ADAMTS5: variants seen among roughly 807,000 people sequenced by gnomAD.
The protein encoded by ADAMTS5 is ADAM metallopeptidase with thrombospondin type 1 motif 5.
ADAMTS5 carries 54 observed loss-of-function variants against 81.4 expected under a neutral mutation model. That is an observed-to-expected ratio of 0.66 (90% confidence interval 0.53 to 0.83). ADAMTS5 has a LOEUF of 0.83. ADAMTS5 is among the 40% of genes least tolerant of loss of function. ADAMTS5 has a pLI of 0.00. For missense variants in ADAMTS5, 1,194 were observed against 1,229.9 expected, an observed-to-expected ratio of 0.97 and a Z score of 0.44; for synonymous variants, 532 against 508.8, an observed-to-expected ratio of 1.05 and a Z score of -0.61.
chr21:26,930,281 C>T (rs946198655), intron 6 of ADAMTS5, among the ~76,000 whole-genome samples: 1 of 152,038 alleles, frequency 6.6e-6, no homozygotes, highest in Non-Finnish European at 1.5e-5. Context: ...CTAGGTTACA[C>T]ATTTTCTCTC....
intron 4 of ADAMTS5, among the ~76,000 whole-genome samples, chr21:26,933,254 C>T (rs1429807676): frequency 3.3e-5 from 5 of 152,152 alleles, no homozygotes; most frequent in Non-Finnish European, 7.4e-5. Context: ...AACTCCAGCA[C>T]TAGAAGATCT....
At chr21:26,961,484 G>A (rs1399186644) in intron 1 of ADAMTS5, among the ~76,000 whole-genome samples, 1 of 152,194 alleles carries the variant, frequency 6.6e-6, no homozygotes, top group African/African-American at 2.4e-5. Context: ...TAACAGTAGT[G>A]TGATTTCCAC....
At chr21:26,933,328 A>G (rs162499) in intron 4 of ADAMTS5, among the ~76,000 whole-genome samples, 46,428 of 152,058 alleles carry the variant, frequency 0.31, 7,722 homozygotes, top group South Asian at 0.41. Flanking sequence ...TCTACGGACC[A>G]TTGTAAATTA....
At position 26,932,910 on chromosome 21, in the gene ADAMTS5, C is replaced by T; in HGVS notation, c.1824G>A (p.Gly608=). The change falls in exon 5 of 8, where the codon GGG becomes GGA. Residue 608 remains glycine, a synonymous_variant. Transcript: ENST00000284987. ...APRNNGRYCT[G]KRAIYRSCSL... The stretch of plus-strand genomic sequence containing the variant: ...TGCAGGAGCGGTAGATGGCCCTCTT[C>T]CCTGTGCAGTAGCGTCCGTTGTTTC... 1 of 1,613,894 alleles carries T rather than the reference C, an allele frequency of 6.2e-7. No homozygotes were observed. Among genetic ancestry groups the T allele is most frequent in the Non-Finnish European group, 8.5e-7 (1 of 1,179,940 alleles).
chr21:26,949,757 A>G (rs1036528124), intron 2 of ADAMTS5, among the ~76,000 whole-genome samples: 8 of 152,340 alleles, frequency 5.3e-5, no homozygotes, highest in African/African-American at 1.9e-4. Context: ...TTGGGGGCCA[A>G]GAAAGACATA....
intron 6 of ADAMTS5, among the ~76,000 whole-genome samples, chr21:26,930,709 G>A (rs556647120): frequency 6.6e-6 from 1 of 152,248 alleles, no homozygotes; most frequent in South Asian, 2.1e-4. Flanking sequence ...TATATAGATT[G>A]TGGCTTGTGC....
At chr21:26,948,287 T>C (rs1987253414) in intron 2 of ADAMTS5, among the ~76,000 whole-genome samples, 1 of 152,202 alleles carries the variant, frequency 6.6e-6, no homozygotes, top group South Asian at 2.1e-4. Flanking sequence ...TTCTAAACTT[T>C]GGTCTGCAAA....
intron 2 of ADAMTS5, among the ~76,000 whole-genome samples, chr21:26,946,721 C>T (rs1170293884): frequency 6.6e-6 from 1 of 151,950 alleles, no homozygotes; most frequent in African/African-American, 2.4e-5. Flanking sequence ...TGTACAATGC[C>T]AAAAGTAATT....
chr21:26,925,061 C>T (rs1019467142), intron 7 of ADAMTS5, among the ~76,000 whole-genome samples: 16 of 152,154 alleles, frequency 1.1e-4, no homozygotes, highest in Non-Finnish European at 2.9e-5. Flanking sequence ...CAGATTGCTT[C>T]CACATTAGAA....
At position 26,966,514 on chromosome 21, in the gene ADAMTS5, T is replaced by A; in HGVS notation, c.-123A>T. The A allele has an allele frequency of 1.0e-6, 1 of 952,832 alleles. No homozygotes were observed. Among genetic ancestry groups the A allele is most frequent in the Non-Finnish European group, 1.4e-6 (1 of 722,322 alleles). 59.0% of individuals were successfully genotyped at this position (952,832 alleles called of 1,614,324 possible). ...CACTTGCTTGCAGGATTGAGTCAAG[T>A]GTCGGAGGGAGGGGGGCCCGGCAGC... On this transcript the variant is annotated 5_prime_UTR_variant, in exon 1 of 8. Transcript: ENST00000284987.
Position 26,924,608 on chromosome 21 carries a change from A to G in ADAMTS5, c.2238T>C (p.Thr746=), listed in dbSNP as rs925741983. 1.2e-6 allele frequency: 2 copies of G among 1,610,488 alleles called. No homozygotes were observed. The highest frequency in any genetic ancestry group is 2.7e-5 in the African/African-American group (2 of 74,838). The change falls in exon 8 of 8, where the codon ACT becomes ACC. Residue 746 remains threonine (T), a synonymous_variant. Transcript: ENST00000284987. ...CCCCTTCAGGAATCCTCACCACGTC[A>G]GTGTAACCCTTACTGGAAGTAGGAA... ...GTFNKKSKGY[T]DVVRIPEGAT...
chr21:26,928,473 A>G (rs2123168195), intron 7 of ADAMTS5, among the ~76,000 whole-genome samples: 1 of 152,336 alleles, frequency 6.6e-6, no homozygotes, highest in South Asian at 2.1e-4. Context: ...TTAAAATGCT[A>G]AATTTAGCAA....
chr21:26,965,499 G>A lies in ADAMTS5; in HGVS notation c.893C>T (p.Ala298Val), dbSNP rs955363633. ...QHYLLTLASI[A>V]NRLYSHASIE... ...GCTAGCATGGCTGTACAGCCTATTG[G>A]CGATGGAGGCCAGGGTCAGCAGGTA... The change falls in exon 1 of 8, where the codon GCC becomes GTC. Residue 298 changes from alanine (A) to valine (V), a missense_variant. Ala to Val is a moderately conservative substitution (Grantham distance 64, BLOSUM62 0). Around this residue, in one of 2 missense-constraint regions of ADAMTS5, gnomAD observed 696 missense variants for 817.6 expected, o/e 0.85. Coordinates refer to ENST00000284987, the MANE Select transcript of ADAMTS5 (RefSeq NM_007038.5). 4 of 1,614,114 alleles carry A rather than the reference G, an allele frequency of 2.5e-6. No homozygotes were observed. The highest frequency in any genetic ancestry group is 3.4e-6 in the Non-Finnish European group (4 of 1,180,040).
intron 1 of ADAMTS5, 77 bp from the exon 2 acceptor site, chr21:26,954,948 C>T: frequency 6.5e-7 from 1 of 1,535,284 alleles, no homozygotes; most frequent in Non-Finnish European, 8.9e-7. Context: ...CACTTGCTTA[C>T]CCCAAATGGC....
intron 3 of ADAMTS5, among the ~76,000 whole-genome samples, chr21:26,935,107 TTAA>T (rs373765004): frequency 6.6e-6 from 1 of 151,948 alleles, no homozygotes; most frequent in Non-Finnish European, 1.5e-5. Flanking sequence ...ATGGTGAATT[TTAA>T]TAATAATAAT....
chr21:26,958,420 G>C (rs1568852241), intron 1 of ADAMTS5, among the ~76,000 whole-genome samples: 1 of 152,134 alleles, frequency 6.6e-6, no homozygotes, highest in East Asian at 1.9e-4. Context: ...CTTGATTCTT[G>C]AGGAGTCCTT....
At position 26,924,497 on chromosome 21, in the gene ADAMTS5, C is replaced by T. The variant is rs1485310761; in HGVS notation, c.2349G>A (p.Glu783=). ...AYLALKKKNG[E]YLINGKYMIS... is the part of the protein sequence containing the mutation. ...TCATGTACTTTCCATTGATAAGGTA[C>T]TCACCGTTTTTCTTTTTCAGGGCTA... Residue 783 remains glutamate (E), a synonymous_variant, in exon 8 of 8, where the codon GAG becomes GAA. Coordinates refer to ENST00000284987, the MANE Select transcript of ADAMTS5 (RefSeq NM_007038.5). 2.5e-6 allele frequency: 4 copies of T among 1,614,128 alleles called. No individual in the cohort carries two copies. In the Admixed American group the frequency reaches 6.7e-5, roughly 27 times the overall value.
chr21:26,923,659 TGTATTTACAAACA>T lies in ADAMTS5; in HGVS notation c.*381_*393del, dbSNP rs1986743736. 1.8e-5 allele frequency: 3 copies of T among 165,016 alleles called. No individual in the cohort carries two copies. The highest frequency in any genetic ancestry group is 3.5e-4 in the South Asian group (2 of 5,718). 10.2% of individuals were successfully genotyped at this position (165,016 alleles called of 1,614,324 possible). On this transcript the variant is annotated 3_prime_UTR_variant, in exon 8 of 8. Transcript: ENST00000284987. The stretch of plus-strand genomic sequence containing the variant: ...TATAAAGTGACATACCAAGGGAGAA[TGTATTTACAAACA>T]GTAAGAAGAAGCTACTGTGTATTAT...
At chr21:26,964,470 G>C (rs1987596536) in intron 1 of ADAMTS5, among the ~76,000 whole-genome samples, 1 of 152,244 alleles carries the variant, frequency 6.6e-6, no homozygotes, top group South Asian at 2.1e-4. Flanking sequence ...TTGACTCTTC[G>C]CCCAGATCTT....
Sources: allele counts gnomAD v4.1 joint callset (sites outside exome capture counted in the v4.1 genomes callset), GRCh38; gene constraint gnomAD v4.1.1; regional missense constraint gnomAD v4.1.1; transcripts MANE v1.5; gene names NCBI Gene and HGNC (gene_info 2026-07-23, HGNC 2026-07-21).